Variants in KHDRBS3 observed in about 807,000 individuals in gnomAD.
KHDRBS3 encodes the protein KH RNA binding domain containing, signal transduction associated 3, also known as KH domain-containing, RNA-binding, signal transduction-associated protein 3.
A neutral mutation model predicts 45.6 loss-of-function variants in KHDRBS3; 23 were observed. The observed-to-expected ratio is 0.50, with a 90% CI of 0.36 to 0.72. KHDRBS3 has a LOEUF of 0.72. KHDRBS3 is among the 30% of genes least tolerant of loss of function. The pLI, the probability that KHDRBS3 is intolerant of heterozygous loss-of-function variation, is 0.00. For missense variants in KHDRBS3, 352 were observed against 424.8 expected (o/e 0.83, Z 1.51); for synonymous variants, 162 against 156.5 (o/e 1.04, Z -0.26).
intron 2 of KHDRBS3, among the ~76,000 whole-genome samples, chr8:135,535,712 A>G (rs914328141): frequency 6.6e-6 from 1 of 152,134 alleles, no homozygotes; most frequent in Non-Finnish European, 1.5e-5. Flanking sequence ...ATCCCAGTCC[A>G]TTTGTGCTGC....
At chr8:135,588,024 A>T (rs1448687211) in intron 6 of KHDRBS3, among the ~76,000 whole-genome samples, 1 of 152,186 alleles carries the variant, frequency 6.6e-6, no homozygotes, top group East Asian at 1.9e-4. Flanking sequence ...TTCTCTGCAG[A>T]CATCGACTGT....
chr8:135,530,349 CATA>C (rs1179351395), intron 2 of KHDRBS3, among the ~76,000 whole-genome samples: 2 of 152,160 alleles, frequency 1.3e-5, no homozygotes, highest in East Asian at 1.9e-4. Context: ...GTGAACAGAA[CATA>C]ATCCCTCTTT....
At chr8:135,499,984 T>C (rs1488907042) in intron 1 of KHDRBS3, among the ~76,000 whole-genome samples, 1 of 152,204 alleles carries the variant, frequency 6.6e-6, no homozygotes, top group Admixed American at 6.5e-5. Flanking sequence ...AGTTTACAGT[T>C]GCAAGTTTAT....
At chr8:135,521,917 G>A (rs1033092699) in intron 2 of KHDRBS3, among the ~76,000 whole-genome samples, 2 of 152,056 alleles carry the variant, frequency 1.3e-5, no homozygotes, top group Admixed American at 6.6e-5. Context: ...TCTCTGAACA[G>A]TTTTATACAA....
At chr8:135,507,150 C>A (rs1442535129) in intron 1 of KHDRBS3, among the ~76,000 whole-genome samples, 1 of 152,138 alleles carries the variant, frequency 6.6e-6, no homozygotes, top group Non-Finnish European at 1.5e-5. Context: ...ATTCTTCAAA[C>A]GGATCTAGTG....
At chr8:135,532,461 G>A (rs1028472228) in intron 2 of KHDRBS3, among the ~76,000 whole-genome samples, 1 of 152,184 alleles carries the variant, frequency 6.6e-6, no homozygotes, top group African/African-American at 2.4e-5. Context: ...GCAAGTGCTT[G>A]AGTGGTGTTC....
exon 5 of KHDRBS3, chr8:135,656,438 T>G (rs1328969287): frequency 2.0e-5 from 3 of 152,222 alleles, no homozygotes; most frequent in African/African-American, 4.8e-5. Flanking sequence ...TCTTATTTTG[T>G]TGACTCCCAA....
At chr8:135,481,915 G>A (rs1199341020) in intron 1 of KHDRBS3, among the ~76,000 whole-genome samples, 4 of 152,146 alleles carry the variant, frequency 2.6e-5, no homozygotes, top group African/African-American at 7.2e-5. Flanking sequence ...CACCGTTTAT[G>A]AGTGCTTGAT....
At chr8:135,479,643 A>G (rs1317523872) in intron 1 of KHDRBS3, among the ~76,000 whole-genome samples, 1 of 152,226 alleles carries the variant, frequency 6.6e-6, no homozygotes, top group Non-Finnish European at 1.5e-5. Flanking sequence ...AGGCTTTCAC[A>G]AGCCTCTGTT....
At chr8:135,480,477 T>C (rs1822506270) in intron 1 of KHDRBS3, among the ~76,000 whole-genome samples, 1 of 152,196 alleles carries the variant, frequency 6.6e-6, no homozygotes, top group Non-Finnish European at 1.5e-5. Context: ...ATATTTCTTC[T>C]GATAATAAAT....
chr8:135,529,111 A>G (rs183351623), intron 2 of KHDRBS3, among the ~76,000 whole-genome samples: 4 of 152,358 alleles, frequency 2.6e-5, no homozygotes, highest in East Asian at 3.9e-4. Flanking sequence ...AAAGGCCACT[A>G]TGGATTATAT....
intron 1 of KHDRBS3, among the ~76,000 whole-genome samples, chr8:135,506,404 CTTTT>C (rs35050617): frequency 1.4e-5 from 2 of 139,758 alleles, no homozygotes; most frequent in Admixed American, 7.2e-5. Flanking sequence ...TAACATTCCT[CTTTT>C]TTTTTTTTTT....
At chr8:135,552,856 T>C (rs1826679367) in intron 4 of KHDRBS3, among the ~76,000 whole-genome samples, 1 of 152,082 alleles carries the variant, frequency 6.6e-6, no homozygotes, top group Non-Finnish European at 1.5e-5. Flanking sequence ...CAGACAGCTG[T>C]GTAAGTGAGG....
At chr8:135,482,253 G>GGACT (rs1822617094) in intron 1 of KHDRBS3, among the ~76,000 whole-genome samples, 8 of 152,226 alleles carry the variant, frequency 5.3e-5, no homozygotes, top group African/African-American at 1.9e-4. Flanking sequence ...TTATTATAGT[G>GGACT]GCTAAAGTTG....
chr8:135,595,243 T>A (rs565259467), intron 6 of KHDRBS3, among the ~76,000 whole-genome samples: 53 of 152,318 alleles, frequency 3.5e-4, no homozygotes, highest in East Asian at 7.7e-4. Context: ...CTGGCAACTG[T>A]TGATGTCCCA....
At chr8:135,479,378 A>G (rs1318772890) in intron 1 of KHDRBS3, among the ~76,000 whole-genome samples, 1 of 152,208 alleles carries the variant, frequency 6.6e-6, no homozygotes, top group Non-Finnish European at 1.5e-5. Context: ...ATGTAAGGCA[A>G]AATTCTTAAT....
chr8:135,549,578 T>A (rs1445173808), intron 4 of KHDRBS3: 1 of 152,250 alleles, frequency 6.6e-6, no homozygotes, highest in Non-Finnish European at 1.5e-5. Flanking sequence ...AAGTCTTTTG[T>A]GTGATTTGTA....
At chr8:135,464,299 C>G (rs532511308) in intron 1 of KHDRBS3, among the ~76,000 whole-genome samples, 14 of 152,176 alleles carry the variant, frequency 9.2e-5, no homozygotes, top group African/African-American at 3.1e-4. Context: ...CTCCTGTGCT[C>G]TCCGGCAGTC....
chr8:135,587,877 A>T (rs1020221593), intron 6 of KHDRBS3, among the ~76,000 whole-genome samples: 1 of 152,240 alleles, frequency 6.6e-6, no homozygotes, highest in African/African-American at 2.4e-5. Flanking sequence ...TTTATCTATT[A>T]TCTCTGTAAG....
Sources: gnomAD v4.1 joint callset for allele counts (sites outside exome capture counted in the v4.1 genomes callset) on GRCh38, gnomAD v4.1.1 for gene constraint, MANE v1.5 for transcripts, NCBI Gene and HGNC (gene_info 2026-07-23, HGNC 2026-07-21) for gene names.